The following KCTD19 variants were observed in gnomAD, a reference collection of about 807,000 sequenced individuals.
The protein encoded by KCTD19 is potassium channel tetramerization domain containing 19.
KCTD19 carries 67 observed loss-of-function variants against 103.5 expected under a neutral mutation model. That is an observed-to-expected ratio of 0.65 (90% confidence interval 0.53 to 0.79). The LOEUF (loss-of-function observed/expected upper bound fraction) is 0.79, where lower values mean the gene tolerates loss of function less well. KCTD19 is among the 30% of genes least tolerant of loss of function. The pLI, the probability that KCTD19 is intolerant of heterozygous loss-of-function variation, is 0.00. For synonymous variants in KCTD19, 439 were observed against 452.2 expected, an observed-to-expected ratio of 0.97 and a Z score of 0.37; for missense variants, 980 against 1,136.1, an observed-to-expected ratio of 0.86 and a Z score of 1.98.
chr16:67,289,593 C>T lies in KCTD19; in HGVS notation c.2757G>A (p.Leu919=). 1 of 1,613,606 alleles carries T rather than the reference C, an allele frequency of 6.2e-7. No homozygotes were observed. Among genetic ancestry groups the T allele is most frequent in the Admixed American group, 1.7e-5 (1 of 60,020 alleles). ...GLSRSVSYSI[L]GKYLQED ...CCTAGTCCTCTTGTAGGTACTTTCCCAGGATGGAGTAAGAGACAGACCTAG... is the reference window on the plus strand; with the variant it reads ...CCTAGTCCTCTTGTAGGTACTTTCCTAGGATGGAGTAAGAGACAGACCTAG... The change falls in exon 16 of 16, where the codon CTG becomes CTA. Residue 919 remains leucine (L), a synonymous_variant. Coordinates refer to ENST00000304372, the MANE Select transcript of KCTD19 (RefSeq NM_001100915.3).
At chr16:67,310,097 G>A (rs1218110150) in intron 2 of KCTD19, among the ~76,000 whole-genome samples, 1 of 152,160 alleles carries the variant, frequency 6.6e-6, no homozygotes, top group Non-Finnish European at 1.5e-5. Flanking sequence ...ACCAATACTT[G>A]CTCTGACTTC....
chr16:67,306,734 A>C (rs1164713686), intron 2 of KCTD19, among the ~76,000 whole-genome samples: 1 of 152,194 alleles, frequency 6.6e-6, no homozygotes, highest in African/African-American at 2.4e-5. Flanking sequence ...TTTGCATTGC[A>C]CATAGGGTCC....
chr16:67,325,729 G>A (rs990873871), intron 1 of KCTD19, among the ~76,000 whole-genome samples: 2 of 152,126 alleles, frequency 1.3e-5, no homozygotes, highest in African/African-American at 4.8e-5. Context: ...CCTGGCGACA[G>A]CCCTCAGTCA....
In KCTD19 at chr16:67,291,835, T is replaced by C; in HGVS notation, c.2221A>G (p.Ser741Gly). ...WSKQRTKERE[S>G]PAPEQPLPEA... is the part of the protein sequence containing the mutation. ...GGCAGAGGCTGCTCAGGGGCAGGGC[T>C]TTCTGTGAAAACAACATAGGGAGGG... The change falls in exon 13 of 16, where the codon AGC becomes GGC. Residue 741 changes from serine to glycine, a missense_variant and splice_region_variant. Physicochemically the swap from Ser to Gly is moderately conservative, Grantham distance 56. Transcript: ENST00000304372. 1 of 1,587,966 alleles carries C rather than the reference T, an allele frequency of 6.3e-7. No homozygotes were observed. The highest frequency in any genetic ancestry group is 8.6e-7 in the Non-Finnish European group (1 of 1,166,202).
chr16:67,325,207 CTT>C (rs10695930), intron 1 of KCTD19, among the ~76,000 whole-genome samples: 10 of 113,150 alleles, frequency 8.8e-5, no homozygotes, highest in Admixed American at 1.8e-4. Context: ...TTCTTTTTTT[CTT>C]TTTTTTTTTT....
At position 67,291,756 on chromosome 16, in the gene KCTD19, G is replaced by C. The variant is rs754061988; in HGVS notation, c.2300C>G (p.Pro767Arg). Residue 767 changes from proline (P) to arginine (R), a missense_variant, in exon 13 of 16, where the codon CCC becomes CGC. Coordinates refer to ENST00000304372, the MANE Select transcript of KCTD19 (RefSeq NM_001100915.3). ...LGVILKVTHP[P>R]VVGSDGFCMF... ...GCAGAAGCCATCGCTGCCCACCACGGGGGGGTGAGTCACTTTGAGGATAAC... is the reference window on the plus strand; with the variant it reads ...GCAGAAGCCATCGCTGCCCACCACGCGGGGGTGAGTCACTTTGAGGATAAC... 1.2e-6 allele frequency: 2 copies of C among 1,614,122 alleles called. No homozygotes were observed. The highest frequency in any genetic ancestry group is 1.7e-6 in the Non-Finnish European group (2 of 1,179,984).
intron 1 of KCTD19, among the ~76,000 whole-genome samples, chr16:67,322,263 T>C (rs2037082295): frequency 6.9e-6 from 1 of 144,718 alleles, no homozygotes; most frequent in Non-Finnish European, 1.5e-5. Flanking sequence ...ACACAAAAAT[T>C]AGCTGCAAGT....
chr16:67,290,075 G>A (rs1242076747), intron 15 of KCTD19, among the ~76,000 whole-genome samples: 2 of 150,294 alleles, frequency 1.3e-5, no homozygotes, highest in South Asian at 2.1e-4. Context: ...TGCCTAAATC[G>A]TTTCGGCCTC....
chr16:67,299,151 T>C (rs1026432170), intron 6 of KCTD19, among the ~76,000 whole-genome samples: 1 of 152,258 alleles, frequency 6.6e-6, no homozygotes, highest in African/African-American at 2.4e-5. Context: ...CTTTGAACCT[T>C]GGCAACCCTT....
intron 2 of KCTD19, among the ~76,000 whole-genome samples, chr16:67,311,950 T>C (rs1242759879): frequency 1.3e-5 from 2 of 152,326 alleles, no homozygotes; most frequent in South Asian, 4.1e-4. Context: ...ACAGTCATAA[T>C]CTCACATCAT....
intron 15 of KCTD19, 85 bp downstream of exon 15, chr16:67,290,800 G>T: frequency 8.0e-7 from 1 of 1,257,664 alleles, no homozygotes; most frequent in Non-Finnish European, 1.1e-6. Context: ...GGCAGTGCTG[G>T]CCCAGCCCTG....
chr16:67,292,691 C>G (rs1304687292), intron 12 of KCTD19, among the ~76,000 whole-genome samples: 1 of 152,066 alleles, frequency 6.6e-6, no homozygotes, highest in Admixed American at 6.5e-5. Context: ...CCTGGCACAG[C>G]GATTTTCAGC....
rs565251952 is a variant in KCTD19, at chr16:67,324,533, A to C, written c.3+2172T>G. On this transcript the variant is annotated intron_variant, in intron 1 of 15. Transcript: ENST00000304372. Reference sequence around the variant, plus strand: ...GAGCAAAATGTTGATTGTAGAATGCAGGTGGTGGATATATGGTGCTCACTG... The same window carrying C: ...GAGCAAAATGTTGATTGTAGAATGCCGGTGGTGGATATATGGTGCTCACTG... Among the ~76,000 whole-genome samples, 13 of 152,328 alleles carry C rather than the reference A, an allele frequency of 8.5e-5. No homozygotes were observed. The South Asian group carries it at 2.5e-3, about 29-fold the overall frequency.
intron 2 of KCTD19, among the ~76,000 whole-genome samples, chr16:67,312,487 C>A (rs2036959533): frequency 6.6e-6 from 1 of 152,150 alleles, no homozygotes; most frequent in Non-Finnish European, 1.5e-5. Flanking sequence ...ATTTACATAT[C>A]AGCTTTTATG....
At chr16:67,292,767 C>T (rs2142501012) in intron 12 of KCTD19, among the ~76,000 whole-genome samples, 1 of 152,294 alleles carries the variant, frequency 6.6e-6, no homozygotes, top group African/African-American at 2.4e-5. Context: ...GTCCCTGTAG[C>T]CCCTGCTGTC....
At chr16:67,294,407 A>G (rs1188577163) in intron 11 of KCTD19, among the ~76,000 whole-genome samples, 173 bp downstream of exon 11, 4 of 152,222 alleles carry the variant, frequency 2.6e-5, no homozygotes, top group Admixed American at 2.6e-4. Flanking sequence ...GTGGCCAGTA[A>G]GTTCCTGTGC....
At chr16:67,296,006 G>A (rs1190640555) in intron 8 of KCTD19, 153 bp downstream of exon 8, 33 of 617,944 alleles carry the variant, frequency 5.3e-5, no homozygotes, top group Non-Finnish European at 8.0e-5. Flanking sequence ...GCCTCCCAAA[G>A]TGCTGGGATT....
chr16:67,318,372 G>A (rs1266334895), intron 2 of KCTD19, among the ~76,000 whole-genome samples: 1 of 152,126 alleles, frequency 6.6e-6, no homozygotes, highest in East Asian at 1.9e-4. Context: ...GACTAGCCTG[G>A]CCAACATGGT....
chr16:67,320,518 C>A lies in KCTD19; in HGVS notation c.300+71G>T. On this transcript the variant is annotated intron_variant, in intron 2 of 15. Coordinates refer to ENST00000304372, the MANE Select transcript of KCTD19 (RefSeq NM_001100915.3). This position sits in a 1 kb window ranked among gnomAD's most constrained non-coding sequence, Gnocchi z 4.0. ...GGTCATCTCAGCAACCAATATATAA[C>A]AGGAAACAATATTTAGTGATGTAAA... 6.9e-7 allele frequency: 1 copy of A among 1,459,710 alleles called. No homozygotes were observed. The highest frequency in any genetic ancestry group is 1.3e-5 in the South Asian group (1 of 78,160). The allele number at this position is 1,459,710 out of a possible 1,614,324, so 90.4% of individuals were successfully genotyped here.
Sources: allele counts gnomAD v4.1 joint callset (sites outside exome capture counted in the v4.1 genomes callset), GRCh38; gene constraint gnomAD v4.1.1; non-coding constraint Gnocchi (gnomAD v3.1); transcripts MANE v1.5; gene names NCBI Gene and HGNC (gene_info 2026-07-23, HGNC 2026-07-21).